IRS2: variants seen among roughly 807,000 people sequenced by gnomAD.
IRS2 encodes insulin receptor substrate 2.
A neutral mutation model predicts 70.9 loss-of-function variants in IRS2; 28 were observed. That is an observed-to-expected ratio of 0.39 (90% CI 0.29 to 0.54). IRS2 has a LOEUF of 0.54. IRS2 is among the 20% of genes least tolerant of loss of function. IRS2 has a pLI of 0.59. For missense variants in IRS2, 2,081 were observed against 2,024.1 expected (o/e 1.03, Z -0.54); for synonymous variants, 1,217 against 981.9 (o/e 1.24, Z -4.48).
rs1456809649 is a variant in IRS2, at chr13:109,756,322, G to A, written c.4013-14C>T. On this transcript the variant is annotated splice_polypyrimidine_tract_variant and intron_variant, in intron 1 of 1. Coordinates refer to ENST00000375856, the MANE Select transcript of IRS2 (RefSeq NM_003749.3). ...CAGATCTTCACTCTGAAAAAGAAAG[G>A]AGGGAAGTTAGCAGAGACCCTCAGG... is the stretch of plus-strand genomic sequence containing the variant. 1.9e-6 allele frequency: 3 copies of A among 1,611,932 alleles called. No individual in the cohort carries two copies. The highest frequency in any genetic ancestry group is 2.2e-5 in the East Asian group (1 of 44,862).
intron 1 of IRS2, among the ~76,000 whole-genome samples, chr13:109,766,895 A>G (rs1041450705): frequency 1.9e-4 from 29 of 152,276 alleles, no homozygotes; most frequent in African/African-American, 6.0e-4. Context: ...CCTTTCAGCC[A>G]AAATGCCAAA....
chr13:109,760,425 C>T (rs1440500943), intron 1 of IRS2, among the ~76,000 whole-genome samples: 1 of 152,216 alleles, frequency 6.6e-6, no homozygotes, highest in Non-Finnish European at 1.5e-5. Flanking sequence ...TACTCTGTCC[C>T]TTAGACGTTG....
chr13:109,783,847 G>C lies in IRS2; in HGVS notation c.2207C>G (p.Ser736Cys). 1.9e-6 allele frequency: 3 copies of C among 1,570,548 alleles called. No homozygotes were observed. The highest frequency in any genetic ancestry group is 2.6e-6 in the Non-Finnish European group (3 of 1,158,110). Residue 736 changes from serine to cysteine, a missense_variant, in exon 1 of 2, where the codon TCC (serine) becomes TGC (cysteine). Physicochemically the swap from Ser to Cys is moderately radical, Grantham distance 112. Around this residue, in one of 4 missense-constraint regions of IRS2, gnomAD observed 1,615 missense variants for 1,459.5 expected, o/e 1.11. Transcript: ENST00000375856. Reference sequence around the variant, plus strand: ...GCGCATGTACCCACTGTCCTCGGGGGAGCTCTCGGCGGGCGAGCTGGCCTT... The same window carrying C: ...GCGCATGTACCCACTGTCCTCGGGGCAGCTCTCGGCGGGCGAGCTGGCCTT... ...GYKASSPAESSPEDSGYMRMW... is the reference protein window; with the variant it reads ...GYKASSPAESCPEDSGYMRMW...
intron 1 of IRS2, among the ~76,000 whole-genome samples, chr13:109,776,142 C>T (rs184897803): frequency 7.7e-6 from 1 of 129,950 alleles, no homozygotes; most frequent in East Asian, 2.0e-4. Flanking sequence ...GAGTGAGACT[C>T]CGTCTCAAAA....
In IRS2 at chr13:109,782,137, C is replaced by A; in HGVS notation, c.3917G>T (p.Cys1306Phe). Residue 1306 changes from cysteine to phenylalanine, a missense_variant, in exon 1 of 2, where the codon TGC (cysteine) becomes TTC (phenylalanine). Physicochemically the swap from Cys to Phe is radical, Grantham distance 205. Coordinates refer to ENST00000375856, the MANE Select transcript of IRS2 (RefSeq NM_003749.3). ...CAGGGCACCGGGACCCGGCCCCCCG[C>A]ACCCGCCGCCGGTGCTGCCGACGCC... ...AVGVGSTGGG[C>F]GGPGPGALPP... 1 of 1,606,794 alleles carries A rather than the reference C, an allele frequency of 6.2e-7. No individual in the cohort carries two copies. The highest frequency in any genetic ancestry group is 8.5e-7 in the Non-Finnish European group (1 of 1,177,552).
At chr13:109,779,344 C>A (rs543858814) in intron 1 of IRS2, among the ~76,000 whole-genome samples, 1 of 152,328 alleles carries the variant, frequency 6.6e-6, no homozygotes, top group South Asian at 2.1e-4. Context: ...GGCAGGGGGC[C>A]GCCCAGGAAG....
chr13:109,785,281 T>C lies in IRS2; in HGVS notation c.773A>G (p.Glu258Gly), dbSNP rs1192047879. Residue 258 changes from glutamate to glycine, a missense_variant, in exon 1 of 2, where the codon GAG becomes GGG. By Grantham distance (98) the Glu-to-Gly change is moderately conservative (BLOSUM62 -2). Coordinates refer to ENST00000375856, the MANE Select transcript of IRS2 (RefSeq NM_003749.3). This position sits in a 1 kb window ranked among gnomAD's most constrained non-coding sequence, Gnocchi z 9.3. ...CGHSDSFFFI[E>G]VGRSAVTGPG... is the part of the protein sequence containing the mutation. Reference sequence around the variant, plus strand: ...GCCTGTGACGGCCGAGCGGCCCACCTCGATGAAGAAGAAGCTGTCCGAGTG... The same window carrying C: ...GCCTGTGACGGCCGAGCGGCCCACCCCGATGAAGAAGAAGCTGTCCGAGTG... 1 of 1,607,734 alleles carries C rather than the reference T, an allele frequency of 6.2e-7. No individual in the cohort carries two copies. The highest frequency in any genetic ancestry group is 8.5e-7 in the Non-Finnish European group (1 of 1,178,236).
At chr13:109,769,986 G>A (rs912443933) in intron 1 of IRS2, among the ~76,000 whole-genome samples, 2 of 151,984 alleles carry the variant, frequency 1.3e-5, no homozygotes, top group Admixed American at 6.6e-5. Context: ...CTTTTTTTCT[G>A]AAAACTGCAA....
At position 109,785,038 on chromosome 13, in the gene IRS2, A is replaced by T. The variant is rs1409296602; in HGVS notation, c.1016T>A (p.Val339Glu). The T allele has an allele frequency of 6.5e-7, 1 of 1,536,114 alleles. No homozygotes were observed. Among genetic ancestry groups the T allele is most frequent in the East Asian group, 2.4e-5 (1 of 41,324 alleles). The change falls in exon 1 of 2, where the codon GTG becomes GAG. Residue 339 changes from valine (V) to glutamate (E), a missense_variant. Physicochemically the swap from Val to Glu is moderately radical, Grantham distance 121. Around this residue, in one of 4 missense-constraint regions of IRS2, gnomAD observed 111 missense variants for 133.1 expected, o/e 0.83. Coordinates refer to ENST00000375856, the MANE Select transcript of IRS2 (RefSeq NM_003749.3). The surrounding 1 kb of genome is among the most constrained non-coding windows in gnomAD (Gnocchi z 9.3). ...CAGGCTGTCGGTGCGCGAGCGGCGCACCAGGCCCGTCTGGCTGGGGGGCAG... is the reference window on the plus strand; with the variant it reads ...CAGGCTGTCGGTGCGCGAGCGGCGCTCCAGGCCCGTCTGGCTGGGGGGCAG... ...VNLPPSQTGL[V>E]RRSRTDSLAA...
chr13:109,755,228 T>C lies in IRS2; in HGVS notation c.*1076A>G, dbSNP rs1877077828. 7.5e-6 allele frequency: 1 copy of C among 132,482 alleles called. No individual in the cohort carries two copies. The highest frequency in any genetic ancestry group is 4.8e-5 in the African/African-American group (1 of 20,914). 8.2% of individuals were successfully genotyped at this position (132,482 alleles called of 1,614,324 possible). On this transcript the variant is annotated 3_prime_UTR_variant, in exon 2 of 2. Transcript: ENST00000375856. ...TTCTTTCTTTCCTTTTTTTTTTTTC[T>C]TTTTGTTTTTTTTGTTCAGGGCAGC...
chr13:109,785,119 G>C lies in IRS2; in HGVS notation c.935C>G (p.Ser312Trp), dbSNP rs1231147434. Residue 312 changes from serine (S) to tryptophan (W), a missense_variant, in exon 1 of 2, where the codon TCG becomes TGG. Ser to Trp is a radical substitution (Grantham distance 177, BLOSUM62 -3). Transcript: ENST00000375856. The surrounding 1 kb of genome is among the most constrained non-coding windows in gnomAD (Gnocchi z 9.3). ...GGGGACGCTGATGGGGTGCGTGGCC[G>C]ACGACCCCGACGATTGGCTCTTACT... The part of the protein sequence containing the change: ...PRSKSQSSGS[S>W]ATHPISVPGA... 1 of 1,592,146 alleles carries C rather than the reference G, an allele frequency of 6.3e-7. No individual in the cohort carries two copies. The highest frequency in any genetic ancestry group is 8.5e-7 in the Non-Finnish European group (1 of 1,170,334).
intron 1 of IRS2, among the ~76,000 whole-genome samples, chr13:109,774,468 G>C (rs1027527520): frequency 6.6e-6 from 1 of 152,114 alleles, no homozygotes; most frequent in African/African-American, 2.4e-5. Context: ...TTGATACCCA[G>C]TGGAAGAAAA....
intron 1 of IRS2, among the ~76,000 whole-genome samples, chr13:109,760,984 G>A (rs1034740490): frequency 2.6e-5 from 4 of 152,188 alleles, no homozygotes; most frequent in African/African-American, 9.6e-5. Context: ...AATAAAATCA[G>A]GCAGCATTTT....
In IRS2 at chr13:109,785,677, G is replaced by A; in HGVS notation, c.377C>T (p.Ala126Val). 2 of 1,597,380 alleles carry A rather than the reference G, an allele frequency of 1.3e-6. No homozygotes were observed. Among genetic ancestry groups the A allele is most frequent in the Non-Finnish European group, 1.7e-6 (2 of 1,175,900 alleles). Residue 126 changes from alanine to valine, a missense_variant, in exon 1 of 2, where the codon GCC becomes GTC. By Grantham distance (64) the Ala-to-Val change is moderately conservative. Coordinates refer to ENST00000375856, the MANE Select transcript of IRS2 (RefSeq NM_003749.3). The surrounding 1 kb of genome is among the most constrained non-coding windows in gnomAD (Gnocchi z 9.3). ...YTKDEYFAVAAENEQEQEGWY... is the reference protein window; with the variant it reads ...YTKDEYFAVAVENEQEQEGWY... The stretch of plus-strand genomic sequence containing the variant: ...GCCCTCCTGCTCCTGCTCGTTCTCG[G>A]CGGCCACGGCGAAGTACTCGTCCTT...
chr13:109,774,151 G>A (rs1877519894), intron 1 of IRS2, among the ~76,000 whole-genome samples: 1 of 152,150 alleles, frequency 6.6e-6, no homozygotes, highest in South Asian at 2.1e-4. Flanking sequence ...GGTGGCGGTG[G>A]TGGGGAGGTA....
In IRS2 at chr13:109,785,093, CGGGGACGCTGAT is replaced by C. The variant is rs1332203727; in HGVS notation, c.949_960del (p.Ile317_Pro320del). ...ACCAGGTGGTGGTGGCGGCGCGCGC[CGGGGACGCTGAT>C]GGGGTGCGTGGCCGACGACCCCGAC... On this transcript the variant is annotated inframe_deletion, in exon 1 of 2. Coordinates refer to ENST00000375856, the MANE Select transcript of IRS2 (RefSeq NM_003749.3). This position sits in a 1 kb window ranked among gnomAD's most constrained non-coding sequence, Gnocchi z 9.3. 6.3e-7 allele frequency: 1 copy of C among 1,584,076 alleles called. No homozygotes were observed. Among genetic ancestry groups the C allele is most frequent in the Non-Finnish European group, 8.6e-7 (1 of 1,166,344 alleles).
Position 109,785,125 on chromosome 13 carries a change from C to T in IRS2, c.929G>A (p.Gly310Glu). Residue 310 changes from glycine to glutamate, a missense_variant, in exon 1 of 2, where the codon GGG becomes GAG. Physicochemically the swap from Gly to Glu is moderately conservative, Grantham distance 98. Around this residue, in one of 4 missense-constraint regions of IRS2, gnomAD observed 111 missense variants for 133.1 expected, o/e 0.83. Coordinates refer to ENST00000375856, the MANE Select transcript of IRS2 (RefSeq NM_003749.3). This position sits in a 1 kb window ranked among gnomAD's most constrained non-coding sequence, Gnocchi z 9.3. Reference sequence around the variant, plus strand: ...GCTGATGGGGTGCGTGGCCGACGACCCCGACGATTGGCTCTTACTGCGCGG... The same window carrying T: ...GCTGATGGGGTGCGTGGCCGACGACTCCGACGATTGGCTCTTACTGCGCGG... Reference protein sequence around the residue: ...FRPRSKSQSSGSSATHPISVP... With the variant: ...FRPRSKSQSSESSATHPISVP... The T allele has an allele frequency of 1.3e-6, 2 of 1,594,312 alleles. No homozygotes were observed. The highest frequency in any genetic ancestry group is 2.3e-5 in the East Asian group (1 of 43,876).
Position 109,785,859 on chromosome 13 carries a change from C to A in IRS2, c.195G>T (p.Gly65=), listed in dbSNP as rs1382103894. ...CGAGCCGCGGCGGTTGCGGCGCCGACCCCCCGCCCGCCGTCGCCTCGTCGC... is the reference window on the plus strand; with the variant it reads ...CGAGCCGCGGCGGTTGCGGCGCCGAACCCCCGCCCGCCGTCGCCTCGTCGC... ...AGGDEATAGG[G]SAPQPPRLEY... is the part of the protein sequence containing the mutation. The change falls in exon 1 of 2, where the codon GGG becomes GGT. Residue 65 remains glycine, a synonymous_variant. Coordinates refer to ENST00000375856, the MANE Select transcript of IRS2 (RefSeq NM_003749.3). This position sits in a 1 kb window ranked among gnomAD's most constrained non-coding sequence, Gnocchi z 9.3. 2 of 1,512,778 alleles carry A rather than the reference C, an allele frequency of 1.3e-6. No homozygotes were observed. The highest frequency in any genetic ancestry group is 1.8e-6 in the Non-Finnish European group (2 of 1,135,164). The allele number at this position is 1,512,778 out of a possible 1,614,324, so 93.7% of individuals were successfully genotyped here.
chr13:109,755,602 T>C lies in IRS2; in HGVS notation c.*702A>G, dbSNP rs1214896726. On this transcript the variant is annotated 3_prime_UTR_variant, in exon 2 of 2. Coordinates refer to ENST00000375856, the MANE Select transcript of IRS2 (RefSeq NM_003749.3). ...TTGCTTCAGTTACATATAATAATTATTATTTAGTAATCCGTCTTCAAAGTC... is the reference window on the plus strand; with the variant it reads ...TTGCTTCAGTTACATATAATAATTACTATTTAGTAATCCGTCTTCAAAGTC... 1 of 202,232 alleles carries C rather than the reference T, an allele frequency of 4.9e-6. No homozygotes were observed. The highest frequency in any genetic ancestry group is 1.0e-5 in the Non-Finnish European group (1 of 98,356). The allele number at this position is 202,232 out of a possible 1,614,324, so 12.5% of individuals were successfully genotyped here. A position where few individuals can be genotyped will look rare whatever the true frequency, so the allele number is the denominator to read the frequency against.
Sources: gnomAD v4.1 joint callset for allele counts (sites outside exome capture counted in the v4.1 genomes callset) on GRCh38, gnomAD v4.1.1 for gene constraint, gnomAD v4.1.1 regional missense constraint, Gnocchi (gnomAD v3.1) non-coding constraint, MANE v1.5 for transcripts, NCBI Gene and HGNC (gene_info 2026-07-23, HGNC 2026-07-21) for gene names.